CD177: variants seen among roughly 807,000 people sequenced by gnomAD.
CD177 encodes CD177 antigen.
CD177 carries 41 observed loss-of-function variants against 38.1 expected under a neutral mutation model. The ratio of observed to expected loss-of-function variants is 1.07; its 90% CI spans 0.84 to 1.39. CD177 has a LOEUF of 1.39. CD177 is among the 40% of genes most tolerant of loss of function. CD177 has a pLI of 0.00. For missense variants in CD177, 619 were observed against 523.8 expected, an observed-to-expected ratio of 1.18 and a Z score of -1.77; for synonymous variants, 236 against 216.7, an observed-to-expected ratio of 1.09 and a Z score of -0.78.
At chr19:43,360,238 C>T (rs1969941210) in intron 5 of CD177, 27 bp from the exon 6 acceptor site, 5 of 1,610,348 alleles carry the variant, frequency 3.1e-6, no homozygotes, top group Non-Finnish European at 3.4e-6. Context: ...TCCTGGCTTA[C>T]ACACACCCTG....
rs45441892 is a variant in CD177, at chr19:43,353,721, G to C, written c.7G>C (p.Ala3Pro). Residue 3 changes from alanine (A) to proline (P), a missense_variant, in exon 1 of 9, where the codon GCG becomes CCG. Ala to Pro is a conservative substitution (Grantham distance 27, BLOSUM62 -1). Transcript: ENST00000618265. Reference sequence around the variant, plus strand: ...TACCAGCCACAGACGGGTCATGAGCGCGGTATTACTGCTGGCCCTCCTGGG... The same window carrying C: ...TACCAGCCACAGACGGGTCATGAGCCCGGTATTACTGCTGGCCCTCCTGGG... MS[A>P]VLLLALLGFI... 0.37 allele frequency: 602,364 copies of C among 1,613,348 alleles called. 116,918 individuals carry two copies. The highest frequency in any genetic ancestry group is 0.68 in the East Asian group (30,707 of 44,836).
intron 3 of CD177, chr19:43,354,595 C>G (rs1171984641): frequency 4.9e-6 from 3 of 609,826 alleles, no homozygotes; most frequent in Non-Finnish European, 5.8e-6. Context: ...TCCCTCCCAC[C>G]GACCTGCCAC....
At chr19:43,362,055 T>G in intron 8 of CD177, 33 bp from the exon 9 acceptor site, 9 of 1,591,770 alleles carry the variant, frequency 5.7e-6, no homozygotes, top group Non-Finnish European at 7.8e-6. Flanking sequence ...GGCTGTACTC[T>G]GTGTCCTTTC....
intron 6 of CD177, 75 bp downstream of exon 6, chr19:43,360,480 C>A: frequency 7.0e-7 from 1 of 1,430,828 alleles, no homozygotes. Context: ...TGGATTCTTT[C>A]CCCTGAATTT....
intron 3 of CD177, among the ~76,000 whole-genome samples, chr19:43,354,834 C>T (rs1351792047): frequency 1.3e-5 from 2 of 152,080 alleles, no homozygotes; most frequent in African/African-American, 4.8e-5. Context: ...TTTTGCGCTT[C>T]TTTTATTGGA....
intron 2 of CD177, 23 bp downstream of exon 2, chr19:43,354,016 A>G (rs749447405): frequency 5.6e-6 from 9 of 1,609,224 alleles, no homozygotes; most frequent in Non-Finnish European, 7.6e-6. Context: ...TGGCGTGCAG[A>G]GACCCCGCCC....
Position 43,360,292 on chromosome 19 carries a change from C to G in CD177, c.647C>G (p.Thr216Ser). 1 of 1,613,300 alleles carries G rather than the reference C, an allele frequency of 6.2e-7. No individual in the cohort carries two copies. Among genetic ancestry groups the G allele is most frequent in the Non-Finnish European group, 8.5e-7 (1 of 1,179,664 alleles). ...TTTCTGACCTGTCATCGGGGGACCA[C>G]CATTATGACACACGGAAACTTGGCT... ...KDFLTCHRGT[T>S]IMTHGNLAQE... Residue 216 changes from threonine (T) to serine (S), a missense_variant, in exon 6 of 9, where the codon ACC becomes AGC. Physicochemically the swap from Thr to Ser is moderately conservative, Grantham distance 58. Transcript: ENST00000618265.
At position 43,362,171 on chromosome 19, in the gene CD177, ATCT is replaced by A. The variant is rs753512453; in HGVS notation, c.1169_1171del (p.Phe390del). On this transcript the variant is annotated inframe_deletion, in exon 9 of 9. Coordinates refer to ENST00000618265, the MANE Select transcript of CD177 (RefSeq NM_020406.4). ...GTTGAACCACACCAGACAAATCGGG[ATCT>A]TCTCTGCGCGTGAGAAGCGTGATGT... 8.1e-6 allele frequency: 13 copies of A among 1,613,040 alleles called. No homozygotes were observed. The highest frequency in any genetic ancestry group is 6.8e-6 in the Non-Finnish European group (8 of 1,179,678).
At chr19:43,354,762 G>C (rs578248024) in intron 3 of CD177, among the ~76,000 whole-genome samples, 3 of 152,062 alleles carry the variant, frequency 2.0e-5, no homozygotes. Flanking sequence ...CTCTTCCTAA[G>C]GGAGACTGAA....
rs576931329 is a variant in CD177, at chr19:43,353,987, G to C, written c.187G>C (p.Glu63Gln). 1.7e-4 allele frequency: 270 copies of C among 1,613,666 alleles called. No homozygotes were observed. The highest frequency in any genetic ancestry group is 2.2e-4 in the Non-Finnish European group (257 of 1,179,750). ...GTGCCAGGACACGTTGATGCTCATT[G>C]AGAGCGGTGAGAAGGCCCTGGCGTG... Reference protein sequence around the residue: ...LGCQDTLMLIESGPQVSLVLS... With the variant: ...LGCQDTLMLIQSGPQVSLVLS... Residue 63 changes from glutamate to glutamine, a missense_variant, in exon 2 of 9, where the codon GAG becomes CAG. Glu to Gln is a conservative substitution (Grantham distance 29). Coordinates refer to ENST00000618265, the MANE Select transcript of CD177 (RefSeq NM_020406.4).
intron 6 of CD177, chr19:43,360,881 G>T (rs1258303782): frequency 1.8e-6 from 1 of 568,556 alleles, no homozygotes; most frequent in Non-Finnish European, 3.2e-6. Flanking sequence ...TGAGGGGAAG[G>T]CTGCAATTTT....
Position 43,353,844 on chromosome 19 carries a change from C to T in CD177, c.53-9C>T, listed in dbSNP as rs1196178876. ...CCCTGCTGAGATGGATTTGCTCTTG[C>T]CACTCCAGGAGTGCAGGCGCTGCTC... is the stretch of plus-strand genomic sequence containing the variant. On this transcript the variant is annotated splice_polypyrimidine_tract_variant and intron_variant, in intron 1 of 8. Transcript: ENST00000618265. 6.2e-7 allele frequency: 1 copy of T among 1,613,790 alleles called. No homozygotes were observed. The highest frequency in any genetic ancestry group is 8.5e-7 in the Non-Finnish European group (1 of 1,179,814).
chr19:43,361,047 T>TG (rs1195398813), intron 6 of CD177, 96 bp from the exon 7 acceptor site: 1 of 633,566 alleles, frequency 1.6e-6, no homozygotes, highest in East Asian at 2.7e-5. Context: ...ACCCTCTGCC[T>TG]GGGGGGTATT....
At chr19:43,360,240 C>G in intron 5 of CD177, 25 bp from the exon 6 acceptor site, 1 of 1,610,728 alleles carries the variant, frequency 6.2e-7, no homozygotes, top group Non-Finnish European at 8.5e-7. Flanking sequence ...CTGGCTTACA[C>G]ACACCCTGGG....
Position 43,362,163 on chromosome 19 carries a change from A to G in CD177, c.1157A>G (p.Gln386Arg). ...AGCTTCTTGTTGAACCACACCAGAC[A>G]AATCGGGATCTTCTCTGCGCGTGAG... ...PSSFLLNHTR[Q>R]IGIFSAREKR... Residue 386 changes from glutamine to arginine, a missense_variant, in exon 9 of 9, where the codon CAA becomes CGA. Transcript: ENST00000618265. 6.2e-7 allele frequency: 1 copy of G among 1,613,524 alleles called. No individual in the cohort carries two copies. The highest frequency in any genetic ancestry group is 8.5e-7 in the Non-Finnish European group (1 of 1,179,732).
chr19:43,363,689 AGGGAAG>A (rs1970005455), downstream of CD177, among the ~76,000 whole-genome samples: 1 of 106,550 alleles, frequency 9.4e-6, no homozygotes, highest in African/African-American at 3.9e-5. Flanking sequence ...AGGAGAGGAG[AGGGAAG>A]AGGAGAAGAG....
In CD177 at chr19:43,354,272, A is replaced by G; in HGVS notation, c.259A>G (p.Thr87Ala). Residue 87 changes from threonine to alanine, a missense_variant, in exon 3 of 9, where the codon ACT (threonine) becomes GCT (alanine). By Grantham distance (58) the Thr-to-Ala change is moderately conservative. Transcript: ENST00000618265. ...TEAKDQEPRV[T>A]EHRMGPGLSL... is the part of the protein sequence containing the mutation. ...GGCCAAGGACCAGGAGCCCCGCGTCACTGAGCACCGGATGGGCCCCGGCCT... is the reference window on the plus strand; with the variant it reads ...GGCCAAGGACCAGGAGCCCCGCGTCGCTGAGCACCGGATGGGCCCCGGCCT... The G allele has an allele frequency of 1.9e-6, 3 of 1,613,880 alleles. No individual in the cohort carries two copies. The highest frequency in any genetic ancestry group is 2.2e-5 in the South Asian group (2 of 91,088).
In CD177 at chr19:43,354,229, C is replaced by G; in HGVS notation, c.216C>G (p.Leu72=). 1 of 1,613,500 alleles carries G rather than the reference C, an allele frequency of 6.2e-7. No homozygotes were observed. The highest frequency in any genetic ancestry group is 8.5e-7 in the Non-Finnish European group (1 of 1,179,730). ...CAGGACCCCAAGTGAGCCTGGTGCT[C>G]TCCAAGGGCTGCACGGAGGCCAAGG... ...IESGPQVSLV[L]SKGCTEAKDQ... The change falls in exon 3 of 9, where the codon CTC becomes CTG. Residue 72 remains leucine, a synonymous_variant. Transcript: ENST00000618265.
Position 43,354,191 on chromosome 19 carries a change from C to T in CD177, c.194-16C>T. On this transcript the variant is annotated splice_polypyrimidine_tract_variant and intron_variant, in intron 2 of 8. Coordinates refer to ENST00000618265, the MANE Select transcript of CD177 (RefSeq NM_020406.4). Reference sequence around the variant, plus strand: ...GCCTGACCTCCATCCTCGCTTGCCTCCCTCTTTCGGTCCAGGACCCCAAGT... The same window carrying T: ...GCCTGACCTCCATCCTCGCTTGCCTTCCTCTTTCGGTCCAGGACCCCAAGT... The T allele has an allele frequency of 1.9e-6, 3 of 1,608,192 alleles. No homozygotes were observed. Among genetic ancestry groups the T allele is most frequent in the East Asian group, 2.2e-5 (1 of 44,626 alleles).
Sources: allele counts gnomAD v4.1 joint callset (sites outside exome capture counted in the v4.1 genomes callset), GRCh38; gene constraint gnomAD v4.1.1; transcripts MANE v1.5; gene names NCBI Gene and HGNC (gene_info 2026-07-23, HGNC 2026-07-21).